Variants in PRKAG2 observed in about 807,000 individuals in gnomAD.
PRKAG2 encodes the protein protein kinase AMP-activated non-catalytic subunit gamma 2.
Under a neutral mutation model 69.6 loss-of-function variants are expected in PRKAG2, and 26 were observed. That is an observed-to-expected ratio of 0.37 (90% CI 0.27 to 0.52). The LOEUF (loss-of-function observed/expected upper bound fraction) is 0.52, where lower values mean the gene tolerates loss of function less well. PRKAG2 is among the 20% of genes least tolerant of loss of function. The pLI, the probability that PRKAG2 is intolerant of heterozygous loss-of-function variation, is 0.90. For missense variants in PRKAG2, 557 were observed against 740.0 expected (o/e 0.75, Z 2.87); for synonymous variants, 293 against 285.0 (o/e 1.03, Z -0.28).
chr7:151,634,360 TG>T (rs1011596988), intron 4 of PRKAG2, among the ~76,000 whole-genome samples: 1 of 152,146 alleles, frequency 6.6e-6, no homozygotes, highest in Non-Finnish European at 1.5e-5. Context: ...CTTAAAACTA[TG>T]AAACTTTTTG....
At chr7:151,766,593 AG>A (rs1188090704) in intron 3 of PRKAG2, among the ~76,000 whole-genome samples, 3 of 152,234 alleles carry the variant, frequency 2.0e-5, no homozygotes, top group African/African-American at 7.2e-5. Flanking sequence ...CACTTTAGAA[AG>A]GGGGACTGGG....
At chr7:151,776,937 G>T (rs781336473) in intron 3 of PRKAG2, among the ~76,000 whole-genome samples, 1 of 152,166 alleles carries the variant, frequency 6.6e-6, no homozygotes, top group Non-Finnish European at 1.5e-5. Context: ...CTGAGCCCCA[G>T]CCTCATCCCC....
intron 3 of PRKAG2, among the ~76,000 whole-genome samples, chr7:151,735,274 C>T (rs946150198): frequency 2.6e-5 from 4 of 152,130 alleles, no homozygotes; most frequent in African/African-American, 9.7e-5. Flanking sequence ...AAGGGCAAAA[C>T]CCACTCCAAG....
At chr7:151,727,225 A>C (rs201299746) in intron 3 of PRKAG2, among the ~76,000 whole-genome samples, 1 of 150,044 alleles carries the variant, frequency 6.7e-6, no homozygotes, top group Non-Finnish European at 1.5e-5. Flanking sequence ...CAAAAAAAAA[A>C]ACAAAAAACA....
At chr7:151,670,661 CAAAG>C (rs1831866411) in intron 4 of PRKAG2, among the ~76,000 whole-genome samples, 2 of 152,308 alleles carry the variant, frequency 1.3e-5, no homozygotes, top group Admixed American at 1.3e-4. Context: ...CTGTTCTTCC[CAAAG>C]AAACAAAAGC....
chr7:151,821,859 C>T (rs1336386530), intron 1 of PRKAG2, among the ~76,000 whole-genome samples: 2 of 152,180 alleles, frequency 1.3e-5, no homozygotes, highest in Non-Finnish European at 2.9e-5. Context: ...AATAATTATG[C>T]CCACCCCACA....
intron 1 of PRKAG2, among the ~76,000 whole-genome samples, chr7:151,860,493 AG>A (rs2079891789): frequency 6.6e-6 from 1 of 152,128 alleles, no homozygotes; most frequent in African/African-American, 2.4e-5. Flanking sequence ...CGCCTGTGGA[AG>A]GGGGTGTGGG....
chr7:151,563,617 C>T (rs1306342925), intron 14 of PRKAG2, among the ~76,000 whole-genome samples: 1 of 152,192 alleles, frequency 6.6e-6, no homozygotes, highest in Non-Finnish European at 1.5e-5. Flanking sequence ...TCTTGCTCTG[C>T]TGTCGAGACT....
chr7:151,821,802 T>C (rs779404368), intron 1 of PRKAG2, among the ~76,000 whole-genome samples: 3 of 152,208 alleles, frequency 2.0e-5, no homozygotes, highest in Non-Finnish European at 2.9e-5. Context: ...GCTAAGTCAT[T>C]TAGCCTCTCT....
At chr7:151,686,058 C>T (rs1834687040) in intron 3 of PRKAG2, among the ~76,000 whole-genome samples, 1 of 152,118 alleles carries the variant, frequency 6.6e-6, no homozygotes, top group African/African-American at 2.4e-5. Context: ...TGAGTCTAAC[C>T]CGACATGCTG....
intron 7 of PRKAG2, chr7:151,576,050 T>C (rs548640264): frequency 1.5e-5 from 6 of 390,276 alleles, no homozygotes; most frequent in African/African-American, 6.3e-5. Flanking sequence ...GCAGCGATCA[T>C]GGCCTTGACC....
intron 1 of PRKAG2, among the ~76,000 whole-genome samples, chr7:151,813,998 T>C (rs1314476033): frequency 6.6e-6 from 1 of 152,066 alleles, no homozygotes; most frequent in Non-Finnish European, 1.5e-5. Context: ...ACAACTTCGC[T>C]AAGATTTCAG....
intron 1 of PRKAG2, among the ~76,000 whole-genome samples, chr7:151,864,232 C>G (rs1046575277): frequency 4.6e-5 from 7 of 152,242 alleles, no homozygotes; most frequent in Admixed American, 3.9e-4. Flanking sequence ...AGAAGCCCTT[C>G]CCTGACCGTA....
chr7:151,644,237 T>C (rs758128527), intron 4 of PRKAG2, among the ~76,000 whole-genome samples: 1 of 151,874 alleles, frequency 6.6e-6, no homozygotes, highest in African/African-American at 2.4e-5. Flanking sequence ...CAATAACTTA[T>C]GGAAAAATAA....
chr7:151,717,893 C>A (rs1454602174), intron 3 of PRKAG2, among the ~76,000 whole-genome samples: 2 of 152,174 alleles, frequency 1.3e-5, no homozygotes, highest in Non-Finnish European at 2.9e-5. Flanking sequence ...TTGCTGGGGA[C>A]CTGCCTCAAA....
At chr7:151,622,945 T>C (rs995843738) in intron 5 of PRKAG2, among the ~76,000 whole-genome samples, 1 of 152,114 alleles carries the variant, frequency 6.6e-6, no homozygotes, top group Non-Finnish European at 1.5e-5. Context: ...GGCCCTCTAA[T>C]GCAGTGGTCC....
At chr7:151,710,420 C>T (rs12668733) in intron 3 of PRKAG2, among the ~76,000 whole-genome samples, 7,732 of 152,258 alleles carry the variant, frequency 0.051, 362 homozygotes, top group East Asian at 0.12. Context: ...TGCTCCGCTG[C>T]CACACTGAGG....
chr7:151,675,975 C>G (rs1003950148), intron 3 of PRKAG2, among the ~76,000 whole-genome samples: 1 of 152,180 alleles, frequency 6.6e-6, no homozygotes, highest in African/African-American at 2.4e-5. Context: ...ACTATCCACG[C>G]TCGGTTGTGG....
At chr7:151,644,074 C>T (rs1210415625) in intron 4 of PRKAG2, among the ~76,000 whole-genome samples, 1 of 152,092 alleles carries the variant, frequency 6.6e-6, no homozygotes, top group Non-Finnish European at 1.5e-5. Flanking sequence ...ACTGTGGGGA[C>T]TTGGAGGGAA....
Sources: gnomAD v4.1 joint callset for allele counts (sites outside exome capture counted in the v4.1 genomes callset) on GRCh38, gnomAD v4.1.1 for gene constraint, MANE v1.5 for transcripts, NCBI Gene and HGNC (gene_info 2026-07-23, HGNC 2026-07-21) for gene names.